Variants in DTNB observed in about 807,000 individuals in gnomAD.
The protein encoded by DTNB is dystrobrevin beta, also known as DTN-B.
A neutral mutation model predicts 90.7 loss-of-function variants in DTNB; 63 were observed. The observed-to-expected ratio is 0.69, with a 90% CI of 0.57 to 0.86. The LOEUF (loss-of-function observed/expected upper bound fraction) is 0.86. Among genes scored for constraint, DTNB ranks in the 40% least tolerant of loss-of-function variants. The pLI is 0.00. For synonymous variants in DTNB, 277 were observed against 286.7 expected (o/e 0.97, Z 0.34); for missense variants, 744 against 807.1 (o/e 0.92, Z 0.95).
At chr2:25,444,163 C>T (rs937374231) in intron 12 of DTNB, among the ~76,000 whole-genome samples, 7 of 152,028 alleles carry the variant, frequency 4.6e-5, no homozygotes, top group African/African-American at 9.7e-5. Flanking sequence ...ATCTTGGTGA[C>T]GTTTGTGATG....
intron 18 of DTNB, among the ~76,000 whole-genome samples, chr2:25,385,607 C>G (rs1181210695): frequency 6.6e-6 from 1 of 152,128 alleles, no homozygotes; most frequent in Admixed American, 6.6e-5. Context: ...GTTCTAGGAC[C>G]AGCTTTCCCC....
chr2:25,535,490 G>A lies in DTNB; in HGVS notation c.877-3893C>T, dbSNP rs796120822. ...CAGAGGCGCTCCCCACTTCCTCCCA[G>A]ACAGGGTTGCTGGGCAGAGGCGCTC... On this transcript the variant is annotated intron_variant, in intron 8 of 20. Transcript: ENST00000406818. 1.2e-4 allele frequency among the ~76,000 whole-genome samples: 17 copies of A among 142,442 alleles called. 1 individual carries two copies. The highest frequency in any genetic ancestry group is 4.5e-4 in the African/African-American group (17 of 37,426). 93.4% of individuals were successfully genotyped at this position (142,442 alleles called of 152,430 possible).
At chr2:25,445,543 C>T (rs796639036) in intron 12 of DTNB, among the ~76,000 whole-genome samples, 22 of 152,272 alleles carry the variant, frequency 1.4e-4, no homozygotes, top group African/African-American at 4.6e-4. Context: ...TAAATTGGTA[C>T]GCATTTCCAA....
intron 4 of DTNB, among the ~76,000 whole-genome samples, chr2:25,617,403 G>A (rs1229880614): frequency 6.6e-6 from 1 of 152,148 alleles, no homozygotes; most frequent in African/African-American, 2.4e-5. Context: ...AGTTAAGTAT[G>A]CATCCTGAGA....
intron 9 of DTNB, among the ~76,000 whole-genome samples, chr2:25,505,316 A>T (rs2072111345): frequency 6.6e-6 from 1 of 152,122 alleles, no homozygotes; most frequent in Non-Finnish European, 1.5e-5. Context: ...AAGGTTGGGG[A>T]CAATGATAAA....
chr2:25,567,256 C>T (rs2059181724), intron 8 of DTNB, among the ~76,000 whole-genome samples: 2 of 152,166 alleles, frequency 1.3e-5, no homozygotes, highest in Admixed American at 6.5e-5. Context: ...TCAGTAAGCA[C>T]ACCTTTTTCC....
intron 10 of DTNB, among the ~76,000 whole-genome samples, chr2:25,469,337 G>A (rs1031529253): frequency 1.3e-5 from 2 of 152,166 alleles, no homozygotes; most frequent in African/African-American, 4.8e-5. Context: ...GCATACTCCA[G>A]GTACTGAAGA....
chr2:25,629,417 CA>C (rs1335146744), intron 3 of DTNB, among the ~76,000 whole-genome samples: 3 of 152,146 alleles, frequency 2.0e-5, no homozygotes, highest in Non-Finnish European at 4.4e-5. Flanking sequence ...GGTGCGGACC[CA>C]AATATGTCAG....
chr2:25,419,709 C>T (rs562594452), intron 15 of DTNB, among the ~76,000 whole-genome samples, 174 bp from the exon 16 acceptor site: 7 of 152,226 alleles, frequency 4.6e-5, no homozygotes, highest in Non-Finnish European at 7.4e-5. Context: ...CATCAGAGGA[C>T]GAAGCAAGCA....
At chr2:25,441,043 C>T (rs1246889982) in intron 12 of DTNB, among the ~76,000 whole-genome samples, 2 of 152,172 alleles carry the variant, frequency 1.3e-5, no homozygotes. Context: ...TCCTGGTTCA[C>T]GTGGAAGGAC....
chr2:25,656,537 C>A (rs147723804), intron 1 of DTNB, among the ~76,000 whole-genome samples: 68 of 152,326 alleles, frequency 4.5e-4, no homozygotes, highest in African/African-American at 1.6e-3. Context: ...TCATTACCTT[C>A]ACACTAACTC....
rs542306809 is a variant in DTNB at position 25,596,274 on chromosome 2, A to G, written c.449-34T>C. The stretch of plus-strand genomic sequence containing the variant: ...ACAAAACCAAATAAAGTCAAGCTAT[A>G]AGGAAATATCAGCTTTTTATAAATG... On this transcript the variant is annotated intron_variant, in intron 5 of 20. Coordinates refer to ENST00000406818, the MANE Select transcript of DTNB (RefSeq NM_021907.5). The G allele has an allele frequency of 8.6e-5, 134 of 1,563,998 alleles. 1 individual carries two copies. The South Asian group carries it at 1.5e-3, about 17-fold the overall frequency.
At chr2:25,673,038 G>A (rs1336846394) in intron 1 of DTNB, 1 of 152,264 alleles carries the variant, frequency 6.6e-6, no homozygotes, top group Non-Finnish European at 1.5e-5. Context: ...ACCTAACGCA[G>A]AGCCGCCTCC....
chr2:25,639,881 A>C (rs1000414372), intron 2 of DTNB, among the ~76,000 whole-genome samples: 1 of 152,196 alleles, frequency 6.6e-6, no homozygotes, highest in Admixed American at 6.5e-5. Flanking sequence ...ACTGATGTGG[A>C]GAGGCCACAG....
chr2:25,415,505 G>A (rs1371752321), intron 16 of DTNB, among the ~76,000 whole-genome samples: 3 of 152,076 alleles, frequency 2.0e-5, no homozygotes, highest in Non-Finnish European at 2.9e-5. Context: ...AGTGATATGC[G>A]TGTCTTTTGC....
intron 6 of DTNB, among the ~76,000 whole-genome samples, chr2:25,586,150 A>C (rs2062361210): frequency 6.6e-6 from 1 of 152,208 alleles, no homozygotes; most frequent in Non-Finnish European, 1.5e-5. Context: ...ATGAAGTTTA[A>C]GCTTTCATTA....
At chr2:25,407,745 G>GAT (rs1391197308) in intron 16 of DTNB, among the ~76,000 whole-genome samples, 1 of 152,164 alleles carries the variant, frequency 6.6e-6, no homozygotes, top group Non-Finnish European at 1.5e-5. Flanking sequence ...CACACAGAGT[G>GAT]ATATAATGGA....
At chr2:25,400,262 T>C (rs542654337) in intron 16 of DTNB, among the ~76,000 whole-genome samples, 2 of 152,352 alleles carry the variant, frequency 1.3e-5, no homozygotes, top group East Asian at 1.9e-4. Flanking sequence ...GGCTGGAGTT[T>C]GTTCCTTCTG....
chr2:25,524,351 G>C (rs1330001464), intron 9 of DTNB, among the ~76,000 whole-genome samples: 2 of 148,796 alleles, frequency 1.3e-5, no homozygotes, highest in Admixed American at 6.7e-5. Context: ...AAACTAAATA[G>C]GATTAACTGC....
Sources: gnomAD v4.1 joint callset for allele counts (sites outside exome capture counted in the v4.1 genomes callset) on GRCh38, gnomAD v4.1.1 for gene constraint, MANE v1.5 for transcripts, NCBI Gene and HGNC (gene_info 2026-07-23, HGNC 2026-07-21) for gene names.